The following PID1 variants were observed in gnomAD, a reference collection of about 807,000 sequenced individuals.
PID1 encodes the protein PTB-containing, cubilin and LRP1-interacting protein.
In PID1, 10 loss-of-function variants were observed where a neutral mutation model predicts 19.1. That is an observed-to-expected ratio of 0.52 (90% CI 0.32 to 0.89). The LOEUF (loss-of-function observed/expected upper bound fraction) is 0.89, where lower values mean the gene tolerates loss of function less well. Ranked by LOEUF, PID1 falls within the 40% of genes least tolerant of loss-of-function variation. The probability of loss-of-function intolerance (pLI) is 0.03; values close to 1 mark genes in which losing one functional copy is unlikely to be tolerated. For synonymous variants in PID1, 130 were observed against 116.0 expected, an observed-to-expected ratio of 1.12 and a Z score of -0.78; for missense variants, 248 against 285.3, an observed-to-expected ratio of 0.87 and a Z score of 0.94.
At chr2:229,050,628 T>C (rs913926570) in intron 2 of PID1, among the ~76,000 whole-genome samples, 1 of 152,156 alleles carries the variant, frequency 6.6e-6, no homozygotes, top group African/African-American at 2.4e-5. Context: ...TAGTACAGTG[T>C]ATATACCGGT....
chr2:229,081,512 C>A (rs35380989), intron 2 of PID1, among the ~76,000 whole-genome samples: 30,429 of 152,084 alleles, frequency 0.2, 3,952 homozygotes, highest in East Asian at 0.55. Context: ...TAGCAGCCAG[C>A]AGAGAGCCAC....
At chr2:229,144,689 T>C (rs1348074500) in intron 2 of PID1, among the ~76,000 whole-genome samples, 1 of 152,036 alleles carries the variant, frequency 6.6e-6, no homozygotes, top group Non-Finnish European at 1.5e-5. Flanking sequence ...ATATTATCTA[T>C]CATAATGGGA....
At chr2:229,183,912 C>G in intron 1 of PID1, among the ~76,000 whole-genome samples, 1 of 86,008 alleles carries the variant, frequency 1.2e-5, no homozygotes, top group South Asian at 3.6e-4. Flanking sequence ...ATATATATAT[C>G]CCCTATATAT....
intron 1 of PID1, among the ~76,000 whole-genome samples, chr2:229,225,048 A>G (rs1258247149): frequency 6.6e-6 from 1 of 152,140 alleles, no homozygotes; most frequent in Non-Finnish European, 1.5e-5. Flanking sequence ...TATAATTGAT[A>G]CTATAAGGTT....
At chr2:229,129,409 A>G (rs2021377) in intron 2 of PID1, among the ~76,000 whole-genome samples, 115,666 of 142,568 alleles carry the variant, frequency 0.81, 46,055 homozygotes, top group East Asian at 1. Context: ...GCAAGACTCC[A>G]TCTCAAAAAA....
intron 1 of PID1, among the ~76,000 whole-genome samples, 163 bp downstream of exon 1, chr2:229,270,851 G>A (rs1261779935): frequency 6.6e-6 from 1 of 152,142 alleles, no homozygotes; most frequent in African/African-American, 2.4e-5. Context: ...TACCCCTGCC[G>A]GGTTCCTGGC....
chr2:229,195,456 T>C (rs1259327208), intron 1 of PID1, among the ~76,000 whole-genome samples: 1 of 151,882 alleles, frequency 6.6e-6, no homozygotes, highest in Non-Finnish European at 1.5e-5. Flanking sequence ...CACATACATA[T>C]ACATACATAT....
chr2:229,204,668 C>CA (rs1322262200), intron 1 of PID1, among the ~76,000 whole-genome samples: 1 of 152,024 alleles, frequency 6.6e-6, no homozygotes, highest in Non-Finnish European at 1.5e-5. Context: ...GTATACTGTA[C>CA]AACGGAATGA....
chr2:229,271,044 C>G lies in PID1; in HGVS notation c.-1G>C. On this transcript the variant is annotated 5_prime_UTR_variant, in exon 1 of 3. Transcript: ENST00000392055. ...GGCGCTCCGTGGCCGGCTGCCACAT[C>G]TTCCAGCCCTGGGTTTTGGCAGAGG... The G allele has an allele frequency of 1.3e-6, 2 of 1,545,254 alleles. No homozygotes were observed. The highest frequency in any genetic ancestry group is 4.0e-5 in the Admixed American group (2 of 50,630).
intron 1 of PID1, among the ~76,000 whole-genome samples, chr2:229,269,677 T>C (rs1328290589): frequency 1.3e-5 from 2 of 152,208 alleles, no homozygotes; most frequent in East Asian, 3.8e-4. Flanking sequence ...CCAAAATATA[T>C]TTACATCACC....
intron 1 of PID1, among the ~76,000 whole-genome samples, chr2:229,157,295 T>C (rs893152153): frequency 1.3e-5 from 2 of 152,042 alleles, no homozygotes; most frequent in Admixed American, 1.3e-4. Flanking sequence ...CCGGGCGTGA[T>C]GTCAGGCACC....
At chr2:229,173,880 C>T (rs1034700721) in intron 1 of PID1, among the ~76,000 whole-genome samples, 2 of 152,062 alleles carry the variant, frequency 1.3e-5, no homozygotes, top group Non-Finnish European at 2.9e-5. Context: ...GCTCCCTGGC[C>T]CTGCAAGTGG....
intron 2 of PID1, among the ~76,000 whole-genome samples, chr2:229,066,136 G>C (rs1694322240): frequency 6.6e-6 from 1 of 152,028 alleles, no homozygotes; most frequent in African/African-American, 2.4e-5. Flanking sequence ...CAACCAAACA[G>C]AACTAAATTG....
intron 2 of PID1, among the ~76,000 whole-genome samples, chr2:229,069,600 A>T (rs1694411039): frequency 6.6e-6 from 1 of 152,220 alleles, no homozygotes. Flanking sequence ...TAACTTAGCC[A>T]ACATATATTG....
chr2:229,167,932 A>G (rs1325355127), intron 1 of PID1, among the ~76,000 whole-genome samples: 1 of 151,402 alleles, frequency 6.6e-6, no homozygotes, highest in African/African-American at 2.5e-5. Flanking sequence ...TACTTTTTAG[A>G]ACTAACTTTA....
chr2:229,222,899 ACATG>A (rs1692004036), intron 1 of PID1, among the ~76,000 whole-genome samples: 2 of 36,054 alleles, frequency 5.5e-5, no homozygotes, highest in South Asian at 9.8e-4. Flanking sequence ...ACACACACAC[ACATG>A]TACCCTATTG....
intron 2 of PID1, among the ~76,000 whole-genome samples, chr2:229,094,100 G>T (rs966234245): frequency 6.6e-6 from 1 of 152,084 alleles, no homozygotes; most frequent in South Asian, 2.1e-4. Flanking sequence ...AAAGTCTCAG[G>T]TTACAAAATC....
intron 2 of PID1, among the ~76,000 whole-genome samples, chr2:229,136,815 T>G (rs964310021): frequency 1.3e-5 from 2 of 152,100 alleles, no homozygotes; most frequent in Non-Finnish European, 2.9e-5. Flanking sequence ...AACTTAAAAC[T>G]ATTCACAGCC....
At chr2:229,128,901 G>C (rs1455398263) in intron 2 of PID1, among the ~76,000 whole-genome samples, 1 of 152,164 alleles carries the variant, frequency 6.6e-6, no homozygotes, top group Non-Finnish European at 1.5e-5. Flanking sequence ...CAATTGGATT[G>C]TTTGCAACTC....
Sources: gnomAD v4.1 joint callset for allele counts (sites outside exome capture counted in the v4.1 genomes callset) on GRCh38, gnomAD v4.1.1 for gene constraint, MANE v1.5 for transcripts, NCBI Gene and HGNC (gene_info 2026-07-23, HGNC 2026-07-21) for gene names.